EPHA6: variants seen among roughly 807,000 people sequenced by gnomAD.
The protein encoded by EPHA6 is EPH receptor A6.
A neutral mutation model predicts 112.0 loss-of-function variants in EPHA6; 50 were observed. The observed-to-expected ratio is 0.45, with a 90% CI of 0.36 to 0.56. The LOEUF (loss-of-function observed/expected upper bound fraction) is 0.56. Ranked by LOEUF, EPHA6 falls within the 20% of genes least tolerant of loss-of-function variation. The pLI, the probability that EPHA6 is intolerant of heterozygous loss-of-function variation, is 0.00. For missense variants in EPHA6, 1,280 were observed against 1,417.4 expected, an observed-to-expected ratio of 0.90 and a Z score of 1.56; for synonymous variants, 529 against 490.7, an observed-to-expected ratio of 1.08 and a Z score of -1.03.
At chr3:97,648,531 A>G in intron 14 of EPHA6, 1 of 1,268,802 alleles carries the variant, frequency 7.9e-7, no homozygotes, top group Middle Eastern at 2.8e-4. Flanking sequence ...AGCCTTGAAC[A>G]TGTCCAACTT....
At chr3:97,224,923 AT>A (rs921660229) in intron 3 of EPHA6, among the ~76,000 whole-genome samples, 73 of 145,190 alleles carry the variant, frequency 5.0e-4, no homozygotes, top group Admixed American at 6.2e-4. Flanking sequence ...TTTTTGACTG[AT>A]TTTTTTTTTT....
At chr3:96,895,321 A>T (rs560263584) in intron 2 of EPHA6, among the ~76,000 whole-genome samples, 1 of 152,318 alleles carries the variant, frequency 6.6e-6, no homozygotes, top group African/African-American at 2.4e-5. Context: ...GATGTAAAGA[A>T]AAAAGTATTT....
intron 2 of EPHA6, among the ~76,000 whole-genome samples, chr3:96,974,204 A>T (rs2042430308): frequency 6.8e-6 from 1 of 147,294 alleles, no homozygotes; most frequent in Non-Finnish European, 1.5e-5. Flanking sequence ...TATTAAAATT[A>T]TATTATTAAT....
intron 3 of EPHA6, among the ~76,000 whole-genome samples, chr3:97,037,500 A>G (rs766673207): frequency 9.9e-5 from 15 of 152,040 alleles, no homozygotes; most frequent in Non-Finnish European, 1.9e-4. Context: ...ATGTGTCAGC[A>G]GTATAGTGAG....
chr3:97,704,142 G>A lies in EPHA6; in HGVS notation c.2785-16119G>A, dbSNP rs760988107. Among the ~76,000 whole-genome samples the A allele has an allele frequency of 1.9e-3, 288 of 152,244 alleles. 2 individuals carry two copies. The highest frequency in any genetic ancestry group is 3.5e-3 in the Non-Finnish European group (237 of 68,004). On this transcript the variant is annotated intron_variant, in intron 14 of 17. Transcript: ENST00000389672. ...AAAATCTTTCTAGTCTAATTAGCAAGTCCTTAGAGGATGTGATGATTAATT... is the reference window on the plus strand; with the variant it reads ...AAAATCTTTCTAGTCTAATTAGCAAATCCTTAGAGGATGTGATGATTAATT...
chr3:97,158,841 T>G (rs2076348460), intron 3 of EPHA6, among the ~76,000 whole-genome samples: 1 of 152,100 alleles, frequency 6.6e-6, no homozygotes, highest in African/African-American at 2.4e-5. Context: ...AGATAAGCTA[T>G]CAGTTTGCAT....
chr3:96,904,250 A>G (rs1269242199), intron 2 of EPHA6, among the ~76,000 whole-genome samples: 2 of 152,062 alleles, frequency 1.3e-5, no homozygotes, highest in East Asian at 1.9e-4. Context: ...AATGTGGCAC[A>G]TATACACCAT....
At chr3:97,180,426 T>G (rs1357639361) in intron 3 of EPHA6, among the ~76,000 whole-genome samples, 1 of 152,082 alleles carries the variant, frequency 6.6e-6, no homozygotes, top group Non-Finnish European at 1.5e-5. Context: ...ACCCCTTTAC[T>G]TTTCTTTCTG....
chr3:97,748,164 C>T (rs900541275), intron 17 of EPHA6, among the ~76,000 whole-genome samples: 4 of 152,148 alleles, frequency 2.6e-5, no homozygotes, highest in Admixed American at 6.5e-5. Flanking sequence ...AGAAATCAAA[C>T]GGAGTTCATA....
chr3:97,030,233 TAA>T (rs2044777892), intron 3 of EPHA6, among the ~76,000 whole-genome samples: 1 of 152,102 alleles, frequency 6.6e-6, no homozygotes, highest in African/African-American at 2.4e-5. Context: ...TGCTGAAGCC[TAA>T]CTTAATACCT....
At chr3:97,657,246 G>A (rs2094142676) in intron 14 of EPHA6, among the ~76,000 whole-genome samples, 1 of 151,702 alleles carries the variant, frequency 6.6e-6, no homozygotes, top group African/African-American at 2.4e-5. Flanking sequence ...TTTTCAGGCT[G>A]TGTTTCTTAG....
intron 3 of EPHA6, among the ~76,000 whole-genome samples, chr3:97,103,599 TA>T (rs746620293): frequency 3.4e-4 from 52 of 152,294 alleles, no homozygotes; most frequent in Non-Finnish European, 5.9e-4. Context: ...TCTTTTTGCT[TA>T]GAATTTCCTT....
chr3:97,421,097 A>C (rs182614602), intron 6 of EPHA6, among the ~76,000 whole-genome samples: 1 of 152,128 alleles, frequency 6.6e-6, no homozygotes, highest in Non-Finnish European at 1.5e-5. Context: ...TTAGTGAGGA[A>C]ATATTACACT....
At chr3:96,912,144 A>G (rs527664296) in intron 2 of EPHA6, among the ~76,000 whole-genome samples, 1 of 152,274 alleles carries the variant, frequency 6.6e-6, no homozygotes, top group East Asian at 1.9e-4. Context: ...GTCAGTTTAC[A>G]GCATTACAAA....
At chr3:97,740,790 CTTATT>C (rs1469883614) in intron 16 of EPHA6, among the ~76,000 whole-genome samples, 1 of 152,102 alleles carries the variant, frequency 6.6e-6, no homozygotes, top group Non-Finnish European at 1.5e-5. Flanking sequence ...AAATTTTCTA[CTTATT>C]TTGAGAAGAT....
chr3:97,324,762 A>T lies in EPHA6; in HGVS notation c.1607-80388A>T, dbSNP rs143358087. The stretch of plus-strand genomic sequence containing the variant: ...ACCATGTTGGTCAGGCTGGTCTCAA[A>T]CTCCTGACCTCAGGTGATCCACCTG... On this transcript the variant is annotated intron_variant, in intron 5 of 17. Transcript: ENST00000389672. 4.6e-5 allele frequency among the ~76,000 whole-genome samples: 7 copies of T among 151,640 alleles called. No homozygotes were observed. The East Asian group carries it at 1.4e-3, about 30-fold the overall frequency.
intron 5 of EPHA6, among the ~76,000 whole-genome samples, chr3:97,292,076 G>T (rs1237437321): frequency 3.9e-5 from 6 of 152,214 alleles, no homozygotes; most frequent in Non-Finnish European, 4.4e-5. Context: ...GCAGCTCCAG[G>T]CACCAGCACA....
At chr3:97,351,732 T>G (rs1430000369) in intron 5 of EPHA6, among the ~76,000 whole-genome samples, 1 of 152,134 alleles carries the variant, frequency 6.6e-6, no homozygotes, top group Admixed American at 6.5e-5. Flanking sequence ...GGATTTAATT[T>G]TCCCTCAAAA....
At chr3:96,993,223 A>G (rs1035334996) in intron 3 of EPHA6, among the ~76,000 whole-genome samples, 3 of 152,084 alleles carry the variant, frequency 2.0e-5, no homozygotes, top group Admixed American at 1.3e-4. Context: ...GTCGTAACTA[A>G]TGTTAGATTG....
Sources: allele counts gnomAD v4.1 joint callset (sites outside exome capture counted in the v4.1 genomes callset), GRCh38; gene constraint gnomAD v4.1.1; transcripts MANE v1.5; gene names NCBI Gene and HGNC (gene_info 2026-07-23, HGNC 2026-07-21).